The following SASS6 variants were observed in gnomAD, a reference collection of about 807,000 sequenced individuals.
SASS6 encodes SAS-6 centriolar assembly protein, also known as spindle assembly abnormal protein 6 homolog.
A neutral mutation model predicts 94.9 loss-of-function variants in SASS6; 59 were observed. That is an observed-to-expected ratio of 0.62 (90% CI 0.50 to 0.77). The LOEUF (loss-of-function observed/expected upper bound fraction) is 0.77, where lower values mean the gene tolerates loss of function less well. SASS6 is among the 30% of genes least tolerant of loss of function. The probability of loss-of-function intolerance (pLI) is 0.00; values close to 1 mark genes in which losing one functional copy is unlikely to be tolerated. For synonymous variants in SASS6, 264 were observed against 270.0 expected, an observed-to-expected ratio of 0.98 and a Z score of 0.22; for missense variants, 698 against 734.1, an observed-to-expected ratio of 0.95 and a Z score of 0.57.
chr1:100,103,088 A>C lies in SASS6; in HGVS notation c.1546-5T>G, dbSNP rs923747604. The C allele has an allele frequency of 5.7e-6, 9 of 1,565,882 alleles. No individual in the cohort carries two copies. In the African/African-American group the frequency reaches 1.1e-4, roughly 19 times the overall value. On this transcript the variant is annotated splice_region_variant and splice_polypyrimidine_tract_variant and intron_variant, in intron 13 of 16. Coordinates refer to ENST00000287482, the MANE Select transcript of SASS6 (RefSeq NM_194292.3). Reference sequence around the variant, plus strand: ...GTAAGTCAGTCTACCATCAACCTAAAAATAAAAACATAAAGATGATTAAAG... The same window carrying C: ...GTAAGTCAGTCTACCATCAACCTAACAATAAAAACATAAAGATGATTAAAG...
At chr1:100,096,633 T>C (rs1036046848) in intron 14 of SASS6, among the ~76,000 whole-genome samples, 1 of 152,218 alleles carries the variant, frequency 6.6e-6, no homozygotes, top group Non-Finnish European at 1.5e-5. Context: ...GCTAATCATA[T>C]ACTTGATAAA....
chr1:100,125,905 C>T lies in SASS6; in HGVS notation c.103G>A (p.Val35Ile), dbSNP rs373252617. The part of the protein sequence containing the change: ...SIRMSIELQS[V>I]SNPVHRKDLV... ...ACCTTTCTGTGAACTGGATTAGAAA[C>T]TGATTGTAGTTCAATGCTCATTCTT... is the stretch of plus-strand genomic sequence containing the variant. The change falls in exon 2 of 17, where the codon GTT becomes ATT. Residue 35 changes from valine (V) to isoleucine (I), a missense_variant. Transcript: ENST00000287482. 6.4e-6 allele frequency: 10 copies of T among 1,559,150 alleles called. No individual in the cohort carries two copies. Among genetic ancestry groups the T allele is most frequent in the Non-Finnish European group, 7.9e-6 (9 of 1,141,280 alleles).
chr1:100,122,549 C>CTTTT lies in SASS6; in HGVS notation c.207-69_207-66dup, dbSNP rs71075469. ...AATTAACTTTGTTTTGTTTTGGTGC[C>CTTTT]TTTTTTTTTTTTTTTTTTTTTGAGA... On this transcript the variant is annotated intron_variant, in intron 3 of 16. Transcript: ENST00000287482. The CTTTT allele has an allele frequency of 6.4e-3, 1,422 of 223,754 alleles. 39 individuals are homozygous for CTTTT. The highest frequency in any genetic ancestry group is 8.5e-3 in the Admixed American group (102 of 12,014). The allele number at this position is 223,754 out of a possible 1,614,324, so 13.9% of individuals were successfully genotyped here. A position where few individuals can be genotyped will look rare whatever the true frequency, so the allele number is the denominator to read the frequency against.
chr1:100,126,676 C>A (rs1654645513), intron 1 of SASS6, among the ~76,000 whole-genome samples: 1 of 152,026 alleles, frequency 6.6e-6, no homozygotes, highest in South Asian at 2.1e-4. Flanking sequence ...ATTTGGGAGG[C>A]TGAGGTTGGA....
chr1:100,125,999 T>C (rs2101692571), intron 1 of SASS6, 57 bp from the exon 2 acceptor site: 2 of 843,676 alleles, frequency 2.4e-6, no homozygotes, highest in Non-Finnish European at 3.8e-6. Flanking sequence ...GAGTTATCAC[T>C]ATCATTTGTA....
chr1:100,109,069 G>A (rs1653117128), intron 8 of SASS6, among the ~76,000 whole-genome samples: 1 of 151,880 alleles, frequency 6.6e-6, no homozygotes, highest in South Asian at 2.1e-4. Context: ...AAAAATCAAT[G>A]CAATGAGGTT....
rs145935295 is a variant in SASS6 at position 100,111,812 on chromosome 1, A to C, written c.670-1329T>G. Among the ~76,000 whole-genome samples the C allele has an allele frequency of 6.2e-3, 948 of 152,256 alleles. 8 individuals carry two copies. The highest frequency in any genetic ancestry group is 0.02 in the African/African-American group (850 of 41,584). ...AAATTGAAAATGCCATCTTGGAAGA[A>C]AACATTGAAGAAGCAACCAAGAAGA... On this transcript the variant is annotated intron_variant, in intron 7 of 16. Coordinates refer to ENST00000287482, the MANE Select transcript of SASS6 (RefSeq NM_194292.3).
chr1:100,092,908 T>C (rs926839026), intron 14 of SASS6, among the ~76,000 whole-genome samples: 5 of 152,012 alleles, frequency 3.3e-5, no homozygotes, highest in African/African-American at 1.2e-4. Context: ...TAATGGAGGA[T>C]AGCAAAAATT....
chr1:100,114,188 T>C (rs185388163), intron 7 of SASS6, among the ~76,000 whole-genome samples: 6 of 152,302 alleles, frequency 3.9e-5, no homozygotes, highest in Admixed American at 3.3e-4. Flanking sequence ...AAAAGGCTAA[T>C]TGTATCAGGC....
At chr1:100,112,629 C>T (rs1653435816) in intron 7 of SASS6, among the ~76,000 whole-genome samples, 1 of 152,152 alleles carries the variant, frequency 6.6e-6, no homozygotes, top group Admixed American at 6.5e-5. Flanking sequence ...ATAGATAATA[C>T]AGCCATTATT....
chr1:100,095,871 A>G (rs1381545597), intron 14 of SASS6, among the ~76,000 whole-genome samples: 4 of 152,236 alleles, frequency 2.6e-5, no homozygotes, highest in African/African-American at 9.6e-5. Flanking sequence ...CAAGACTTAT[A>G]TATTGAAAAC....
At chr1:100,106,879 A>C in intron 12 of SASS6, 33 bp downstream of exon 12, 1 of 910,716 alleles carries the variant, frequency 1.1e-6, no homozygotes. Flanking sequence ...TAAAACTACA[A>C]ACCTCATTTA....
Position 100,103,098 on chromosome 1 carries a change from ATAAAGATGAT to A in SASS6, c.1546-25_1546-16del. 2 of 1,538,046 alleles carry A rather than the reference ATAAAGATGAT, an allele frequency of 1.3e-6. No homozygotes were observed. Among genetic ancestry groups the A allele is most frequent in the Non-Finnish European group, 8.9e-7 (1 of 1,122,112 alleles). Reference sequence around the variant, plus strand: ...CTACCATCAACCTAAAAATAAAAACATAAAGATGATTAAAGATGATAAATTAATTCTAAAT... The same window carrying A: ...CTACCATCAACCTAAAAATAAAAACATAAAGATGATAAATTAATTCTAAAT... On this transcript the variant is annotated splice_polypyrimidine_tract_variant and intron_variant, in intron 13 of 16. Coordinates refer to ENST00000287482, the MANE Select transcript of SASS6 (RefSeq NM_194292.3).
rs1653242106 is a variant in SASS6, at chr1:100,110,453, G to A, written c.700C>T (p.Gln234Ter). The part of the protein sequence containing the change: ...AQVQYQQQHE[Q>*]QKKDLEILHQ... ...AGGATTTCTAAATCTTTTTTCTGTT[G>A]TTCATGCTGCTGTTGATATTGAACC... Residue 234 changes from glutamine (Q) to a stop codon, truncating the protein, a stop_gained, in exon 8 of 17, where the codon CAA (glutamine) becomes TAA (stop). Transcript: ENST00000287482. LOFTEE classifies it high-confidence loss of function. The A allele has an allele frequency of 6.2e-7, 1 of 1,607,836 alleles. No homozygotes were observed. Among genetic ancestry groups the A allele is most frequent in the Admixed American group, 1.7e-5 (1 of 59,182 alleles).
chr1:100,091,580 T>C (rs2101640955), intron 14 of SASS6, among the ~76,000 whole-genome samples: 1 of 147,930 alleles, frequency 6.8e-6, no homozygotes, highest in East Asian at 2.0e-4. Flanking sequence ...AATCACCCAT[T>C]ATAACCGTGC....
chr1:100,122,295 G>T, intron 4 of SASS6, 85 bp downstream of exon 4: 1 of 622,776 alleles, frequency 1.6e-6, no homozygotes, highest in Non-Finnish European at 2.8e-6. Context: ...ATAATAAACG[G>T]AAAAGATTTT....
rs900679848 is a variant in SASS6 at position 100,083,916 on chromosome 1, C to T, written c.*1412G>A. On this transcript the variant is annotated 3_prime_UTR_variant, in exon 17 of 17. Transcript: ENST00000287482. ...ATAGTATTTACAACAAAGCCCCTTC[C>T]ATAGTATTTACAATAAAGCTCCTTC... is the stretch of plus-strand genomic sequence containing the variant. 4 of 142,852 alleles carry T rather than the reference C, an allele frequency of 2.8e-5. No homozygotes were observed. The highest frequency in any genetic ancestry group is 5.9e-5 in the Non-Finnish European group (4 of 67,814). The allele number at this position is 142,852 out of a possible 1,614,324, so 8.8% of individuals were successfully genotyped here.
chr1:100,130,339 C>T (rs1654907707), intron 1 of SASS6, among the ~76,000 whole-genome samples: 1 of 152,152 alleles, frequency 6.6e-6, no homozygotes, highest in Admixed American at 6.5e-5. Flanking sequence ...TGAGACACAG[C>T]AGACATTTGC....
rs1650999925 is a variant in SASS6 at position 100,083,636 on chromosome 1, T to TTTTGATTATTAACACATGTACAATTTTA, written c.*1664_*1691dup. 6.6e-6 allele frequency: 1 copy of TTTTGATTATTAACACATGTACAATTTTA among 152,042 alleles called. No homozygotes were observed. The highest frequency in any genetic ancestry group is 1.5e-5 in the Non-Finnish European group (1 of 67,942). The allele number at this position is 152,042 out of a possible 1,614,324, so 9.4% of individuals were successfully genotyped here. ...CAGAAATAACATTAAATGCAACACT[T>TTTTGATTATTAACACATGTACAATTTTA]TTTGATTATTAACACATGTACAATT... On this transcript the variant is annotated 3_prime_UTR_variant, in exon 17 of 17. Coordinates refer to ENST00000287482, the MANE Select transcript of SASS6 (RefSeq NM_194292.3).
Sources: gnomAD v4.1 joint callset for allele counts (sites outside exome capture counted in the v4.1 genomes callset) on GRCh38, gnomAD v4.1.1 for gene constraint, MANE v1.5 for transcripts, NCBI Gene and HGNC (gene_info 2026-07-23, HGNC 2026-07-21) for gene names.